STX8: variants seen among roughly 807,000 people sequenced by gnomAD.
The protein encoded by STX8 is syntaxin-8.
Under a neutral mutation model 37.5 loss-of-function variants are expected in STX8, and 23 were observed. The ratio of observed to expected loss-of-function variants is 0.61; its 90% confidence interval spans 0.44 to 0.87. STX8 has a LOEUF of 0.87. Among genes scored for constraint, STX8 ranks in the 40% least tolerant of loss-of-function variants. STX8 has a pLI of 0.00. For synonymous variants in STX8, 115 were observed against 99.1 expected (o/e 1.16, Z -0.95); for missense variants, 313 against 284.7 (o/e 1.10, Z -0.71).
At chr17:9,272,854 T>C (rs1485534629) in intron 7 of STX8, among the ~76,000 whole-genome samples, 1 of 152,242 alleles carries the variant, frequency 6.6e-6, no homozygotes, top group Non-Finnish European at 1.5e-5. Flanking sequence ...AGGATGGGTC[T>C]TCCCACCTTC....
intron 7 of STX8, among the ~76,000 whole-genome samples, chr17:9,352,262 T>C (rs1392450334): frequency 6.6e-6 from 1 of 152,054 alleles, no homozygotes; most frequent in East Asian, 1.9e-4. Context: ...TCTTTCCTCC[T>C]TAATAATTAA....
chr17:9,568,779 G>A (rs901680146), intron 1 of STX8, among the ~76,000 whole-genome samples: 6 of 152,228 alleles, frequency 3.9e-5, no homozygotes, highest in South Asian at 2.1e-4. Flanking sequence ...GATTACAGGC[G>A]TGAGCCCCTG....
chr17:9,288,534 C>A (rs758357043), intron 7 of STX8, among the ~76,000 whole-genome samples: 1 of 151,908 alleles, frequency 6.6e-6, no homozygotes, highest in Admixed American at 6.6e-5. Context: ...TGGTGGCAGG[C>A]GCCTGTAGTC....
At chr17:9,300,595 T>C (rs1908736173) in intron 7 of STX8, among the ~76,000 whole-genome samples, 1 of 152,002 alleles carries the variant, frequency 6.6e-6, no homozygotes, top group Non-Finnish European at 1.5e-5. Context: ...TACCTGGTTA[T>C]GAGTGTTATA....
chr17:9,301,645 G>C (rs1908790873), intron 7 of STX8, among the ~76,000 whole-genome samples: 1 of 143,218 alleles, frequency 7.0e-6, no homozygotes, highest in Admixed American at 6.8e-5. Context: ...ACTATGTCCG[G>C]CCATTTTTGT....
At chr17:9,332,585 G>A (rs945294026) in intron 7 of STX8, among the ~76,000 whole-genome samples, 2 of 152,186 alleles carry the variant, frequency 1.3e-5, no homozygotes, top group African/African-American at 4.8e-5. Context: ...TCAGTCATCT[G>A]TCATAAATGC....
At chr17:9,423,389 G>A (rs1019359192) in intron 6 of STX8, among the ~76,000 whole-genome samples, 2 of 152,136 alleles carry the variant, frequency 1.3e-5, no homozygotes, top group South Asian at 2.1e-4. Context: ...GCAGTGGCAC[G>A]ATCTCAGCTC....
chr17:9,288,701 A>T (rs902740338), intron 7 of STX8, among the ~76,000 whole-genome samples: 5 of 151,394 alleles, frequency 3.3e-5, no homozygotes, highest in Non-Finnish European at 5.9e-5. Context: ...TAAATAAATA[A>T]ATAAAAGAAT....
intron 6 of STX8, among the ~76,000 whole-genome samples, chr17:9,415,278 A>G (rs141798953): frequency 6.6e-6 from 1 of 152,212 alleles, no homozygotes; most frequent in East Asian, 1.9e-4. Context: ...CTTGTGTCAT[A>G]AACTAATTAT....
chr17:9,296,479 C>T (rs867007099), intron 7 of STX8, among the ~76,000 whole-genome samples: 29 of 133,954 alleles, frequency 2.2e-4, no homozygotes, highest in South Asian at 1.4e-3. Context: ...GCCTAGGCAA[C>T]GAGAGTGAAA....
chr17:9,517,400 G>C (rs965297888), intron 4 of STX8, among the ~76,000 whole-genome samples: 2 of 152,180 alleles, frequency 1.3e-5, no homozygotes, highest in Non-Finnish European at 2.9e-5. Context: ...AATAAGGAGA[G>C]TTGTCAGGAA....
intron 6 of STX8, among the ~76,000 whole-genome samples, chr17:9,454,400 C>T (rs1036240788): frequency 1.3e-5 from 2 of 152,170 alleles, no homozygotes; most frequent in East Asian, 1.9e-4. Context: ...CCGGGCTGGC[C>T]GGGCGCGGTG....
chr17:9,267,054 G>A (rs1410626977), intron 7 of STX8, among the ~76,000 whole-genome samples: 1 of 152,142 alleles, frequency 6.6e-6, no homozygotes, highest in Non-Finnish European at 1.5e-5. Flanking sequence ...CACTTCCCAC[G>A]TATGCGGCAA....
chr17:9,379,049 G>T (rs759338606), intron 6 of STX8, among the ~76,000 whole-genome samples: 8 of 151,752 alleles, frequency 5.3e-5, no homozygotes, highest in African/African-American at 1.2e-4. Flanking sequence ...GTTCGAGACC[G>T]GCCTGGCCAA....
chr17:9,429,767 ATATATAAC>A (rs1913788486), intron 6 of STX8, among the ~76,000 whole-genome samples: 1 of 37,794 alleles, frequency 2.6e-5, no homozygotes, highest in Admixed American at 4.2e-4. Context: ...TTTATATATT[ATATATAAC>A]ATATATATTT....
At chr17:9,324,157 A>ACACACACAC (rs1567783713) in intron 7 of STX8, among the ~76,000 whole-genome samples, 4 of 114,208 alleles carry the variant, frequency 3.5e-5, no homozygotes, top group African/African-American at 1.3e-4. Flanking sequence ...CACACACACA[A>ACACACACAC]ACACAAACAC....
intron 7 of STX8, among the ~76,000 whole-genome samples, chr17:9,273,731 T>C (rs956585410): frequency 1.4e-4 from 22 of 152,264 alleles, no homozygotes; most frequent in Admixed American, 1.0e-3. Context: ...GTACAGGCTA[T>C]TGGCTAATTG....
At chr17:9,540,482 A>G (rs757102080) in intron 4 of STX8, among the ~76,000 whole-genome samples, 3 of 152,180 alleles carry the variant, frequency 2.0e-5, no homozygotes, top group Admixed American at 6.5e-5. Context: ...TCCTAGCCCA[A>G]CAAGGAATCA....
intron 7 of STX8, among the ~76,000 whole-genome samples, chr17:9,374,830 A>G (rs908614606): frequency 3.3e-5 from 5 of 152,156 alleles, no homozygotes; most frequent in South Asian, 4.2e-4. Flanking sequence ...TTGGGAGGCT[A>G]AGGTGGGCAG....
Sources: gnomAD v4.1 joint callset for allele counts (sites outside exome capture counted in the v4.1 genomes callset) on GRCh38, gnomAD v4.1.1 for gene constraint, MANE v1.5 for transcripts, NCBI Gene and HGNC (gene_info 2026-07-23, HGNC 2026-07-21) for gene names.